RIMKLB: variants seen among roughly 807,000 people sequenced by gnomAD.
RIMKLB encodes beta-citrylglutamate synthase B.
A neutral mutation model predicts 32.0 loss-of-function variants in RIMKLB; 7 were observed. That is an observed-to-expected ratio of 0.22 (90% CI 0.12 to 0.41). The LOEUF (loss-of-function observed/expected upper bound fraction) is 0.41. Ranked by LOEUF, RIMKLB falls within the 10% of genes least tolerant of loss-of-function variation. The pLI, the probability that RIMKLB is intolerant of heterozygous loss-of-function variation, is 1.00. For missense variants in RIMKLB, 289 were observed against 498.7 expected (o/e 0.58, Z 4.00); for synonymous variants, 172 against 185.1 (o/e 0.93, Z 0.57).
At chr12:8,736,864 T>C (rs1947055658) in intron 2 of RIMKLB, among the ~76,000 whole-genome samples, 1 of 152,200 alleles carries the variant, frequency 6.6e-6, no homozygotes, top group Non-Finnish European at 1.5e-5. Flanking sequence ...CAGGCTGGAA[T>C]GCAATGGCAC....
At chr12:8,781,599 C>T (rs1951051071), downstream of RIMKLB, among the ~76,000 whole-genome samples, 1 of 152,114 alleles carries the variant, frequency 6.6e-6, no homozygotes, top group Non-Finnish European at 1.5e-5. Flanking sequence ...TGTCTTTGTG[C>T]CTCTCCCTTA....
chr12:8,696,021 C>G (rs548039358), upstream of RIMKLB, among the ~76,000 whole-genome samples: 3 of 152,172 alleles, frequency 2.0e-5, no homozygotes, highest in Non-Finnish European at 4.4e-5. Context: ...GGGCAAGTGG[C>G]AAGTGAGTTA....
chr12:8,734,717 T>C (rs1175795164), intron 2 of RIMKLB, among the ~76,000 whole-genome samples: 1 of 152,176 alleles, frequency 6.6e-6, no homozygotes, highest in African/African-American at 2.4e-5. Context: ...TTTATTTTAG[T>C]TGTTTCTTTT....
At position 8,773,536 on chromosome 12, in the gene RIMKLB, T is replaced by TCCC. The variant is rs1950560016; in HGVS notation, c.914_916dup (p.Ser305_Leu306insPro). ...TGGTATCATAGCAGACTATGCCGCC[T>TCCC]CCCTTCTACCCTCTGGCCGGCTCAC... On this transcript the variant is annotated inframe_insertion, in exon 6 of 6. Transcript: ENST00000535829. The TCCC allele has an allele frequency of 6.2e-7, 1 of 1,614,102 alleles. No homozygotes were observed. Among genetic ancestry groups the TCCC allele is most frequent in the Non-Finnish European group, 8.5e-7 (1 of 1,180,046 alleles).
intron 2 of RIMKLB, among the ~76,000 whole-genome samples, chr12:8,730,476 A>G (rs761657591): frequency 6.6e-6 from 1 of 152,236 alleles, no homozygotes; most frequent in Non-Finnish European, 1.5e-5. Flanking sequence ...GCATGTCTCC[A>G]GCTATAATAG....
At chr12:8,748,409 G>A (rs1344274172) in intron 2 of RIMKLB, among the ~76,000 whole-genome samples, 2 of 151,790 alleles carry the variant, frequency 1.3e-5, no homozygotes, top group African/African-American at 4.8e-5. Flanking sequence ...ACAGGTATGT[G>A]TGTATAGGAA....
chr12:8,781,143 C>T (rs191197811), downstream of RIMKLB, among the ~76,000 whole-genome samples: 319 of 152,304 alleles, frequency 2.1e-3, 2 homozygotes, highest in African/African-American at 5.9e-3. Context: ...GAGTTCAAAA[C>T]TAGCCTGGCA....
chr12:8,745,249 T>C (rs1226663711), intron 2 of RIMKLB, among the ~76,000 whole-genome samples: 1 of 151,548 alleles, frequency 6.6e-6, no homozygotes, highest in Non-Finnish European at 1.5e-5. Context: ...GTGGCTGGCC[T>C]TGCTGGTTTG....
At chr12:8,762,158 CT>C (rs1949580398) in intron 5 of RIMKLB, among the ~76,000 whole-genome samples, 1 of 152,074 alleles carries the variant, frequency 6.6e-6, no homozygotes, top group Non-Finnish European at 1.5e-5. Flanking sequence ...CATAGAAGCT[CT>C]TGGTAAAGGG....
At chr12:8,734,057 T>C (rs1946786127) in intron 2 of RIMKLB, among the ~76,000 whole-genome samples, 1 of 152,272 alleles carries the variant, frequency 6.6e-6, no homozygotes, top group African/African-American at 2.4e-5. Flanking sequence ...GTGGTTATAA[T>C]AGAAGTACAA....
chr12:8,748,632 T>TTA (rs1948357166), intron 2 of RIMKLB, among the ~76,000 whole-genome samples: 1 of 150,130 alleles, frequency 6.7e-6, no homozygotes, highest in African/African-American at 2.4e-5. Flanking sequence ...ATTTTTTTTT[T>TTA]AATGAAAATA....
At chr12:8,773,284 T>G in intron 5 of RIMKLB, 37 bp from the exon 6 acceptor site, 1 of 1,436,620 alleles carries the variant, frequency 7.0e-7, no homozygotes, top group Non-Finnish European at 9.7e-7. Context: ...CAAAAGTTTA[T>G]GATTTTGTTA....
intron 5 of RIMKLB, among the ~76,000 whole-genome samples, chr12:8,767,692 C>T (rs185021104): frequency 4.6e-5 from 7 of 152,270 alleles, no homozygotes; most frequent in African/African-American, 1.2e-4. Flanking sequence ...TGCTTCTAGT[C>T]GGCCCTCAGC....
At chr12:8,734,191 G>T (rs768493836) in intron 2 of RIMKLB, among the ~76,000 whole-genome samples, 1 of 152,176 alleles carries the variant, frequency 6.6e-6, no homozygotes, top group Admixed American at 6.5e-5. Context: ...AAAGAAAGGA[G>T]CCTAAATCTG....
At chr12:8,743,775 G>A (rs779279923) in intron 2 of RIMKLB, among the ~76,000 whole-genome samples, 1 of 151,982 alleles carries the variant, frequency 6.6e-6, no homozygotes, top group East Asian at 1.9e-4. Context: ...CCACCCCATT[G>A]CTGTTCGAGG....
At chr12:8,749,780 C>G in intron 2 of RIMKLB, 82 bp from the exon 3 acceptor site, 1 of 880,242 alleles carries the variant, frequency 1.1e-6, no homozygotes, top group Non-Finnish European at 1.8e-6. Flanking sequence ...ATTTTGTGAT[C>G]CAAACTTTGG....
At chr12:8,687,613 C>T (rs964645858) in intron 1 of RIMKLB, among the ~76,000 whole-genome samples, 5 of 152,020 alleles carry the variant, frequency 3.3e-5, no homozygotes, top group South Asian at 4.2e-4. Context: ...AAATTTCTAC[C>T]AGGGCTCCCC....
rs747255275 is a variant in RIMKLB at position 8,776,688 on chromosome 12, G to T, written c.*2904G>T. ...TTTTTAATAGTTTTTTTCTTTTTTG[G>T]TGCCTATAATTGATTGGTCATTTCT... On this transcript the variant is annotated 3_prime_UTR_variant, in exon 6 of 6. Transcript: ENST00000535829. The T allele has an allele frequency of 1.4e-5, 14 of 983,588 alleles. No homozygotes were observed. Among genetic ancestry groups the T allele is most frequent in the East Asian group, 1.1e-4 (1 of 8,814 alleles). 60.9% of individuals were successfully genotyped at this position (983,588 alleles called of 1,614,324 possible). A position where few individuals can be genotyped will look rare whatever the true frequency, so the allele number is the denominator to read the frequency against.
intron 2 of RIMKLB, among the ~76,000 whole-genome samples, chr12:8,718,922 C>CTA (rs1340863154): frequency 6.6e-6 from 1 of 152,072 alleles, no homozygotes; most frequent in Non-Finnish European, 1.5e-5. Context: ...CTTGGGTGTT[C>CTA]TATAGTCTGT....
Sources: gnomAD v4.1 joint callset for allele counts (sites outside exome capture counted in the v4.1 genomes callset) on GRCh38, gnomAD v4.1.1 for gene constraint, MANE v1.5 for transcripts, NCBI Gene and HGNC (gene_info 2026-07-23, HGNC 2026-07-21) for gene names.